The following ANXA4 variants were observed in gnomAD, a reference collection of about 807,000 sequenced individuals.
ANXA4 encodes the protein 35-beta calcimedin.
A neutral mutation model predicts 49.8 loss-of-function variants in ANXA4; 39 were observed. The observed-to-expected ratio is 0.78, with a 90% CI of 0.61 to 1.02. The LOEUF is 1.02. Ranked by LOEUF, ANXA4 falls within the 50% of genes least tolerant of loss-of-function variation. ANXA4 has a pLI of 0.00. For missense variants in ANXA4, 360 were observed against 410.1 expected (o/e 0.88, Z 1.05); for synonymous variants, 134 against 152.5 (o/e 0.88, Z 0.89).
intron 2 of ANXA4, among the ~76,000 whole-genome samples, chr2:69,698,438 C>T (rs1486546230): frequency 5.9e-5 from 9 of 152,156 alleles, no homozygotes; most frequent in Non-Finnish European, 8.8e-5. Context: ...CCTCTTCCCC[C>T]GACATCTCCC....
upstream of ANXA4, among the ~76,000 whole-genome samples, chr2:69,741,369 G>A (rs1396800023): frequency 6.6e-6 from 1 of 152,178 alleles, no homozygotes; most frequent in African/African-American, 2.4e-5. Context: ...AAGCAGATAT[G>A]AAAACACAGA....
chr2:69,675,325 G>A (rs576786969), intron 2 of ANXA4, among the ~76,000 whole-genome samples: 10 of 152,196 alleles, frequency 6.6e-5, no homozygotes, highest in African/African-American at 2.4e-4. Context: ...TTTCACTTAC[G>A]TATATGATAT....
chr2:69,769,874 G>C lies in ANXA4; in HGVS notation c.-46-11646G>C, dbSNP rs111563519. On this transcript the variant is annotated intron_variant, in intron 1 of 12. Transcript: ENST00000394295. ...GATGGGGTTTCCTCATGTTGGCCAG[G>C]CTGGTCTCAAACTCCTGACCTCAGG... Among the ~76,000 whole-genome samples, 742 of 152,230 alleles carry C rather than the reference G, an allele frequency of 4.9e-3. 4 individuals carry two copies. The highest frequency in any genetic ancestry group is 0.017 in the African/African-American group (701 of 41,524).
chr2:69,653,933 ATTTG>A (rs1676344659), intron 2 of ANXA4, among the ~76,000 whole-genome samples: 1 of 152,160 alleles, frequency 6.6e-6, no homozygotes, highest in South Asian at 2.1e-4. Flanking sequence ...ATGTTTTTCC[ATTTG>A]TTTGTGTCCT....
upstream of ANXA4, among the ~76,000 whole-genome samples, chr2:69,740,202 C>CTTTCTT (rs527437299): frequency 3.9e-5 from 6 of 152,006 alleles, no homozygotes; most frequent in African/African-American, 1.2e-4. Flanking sequence ...TTAATTTTTT[C>CTTTCTT]TTTCTTTTTC....
intron 2 of ANXA4, among the ~76,000 whole-genome samples, chr2:69,674,863 A>G (rs1427879858): frequency 1.3e-5 from 2 of 150,480 alleles, no homozygotes; most frequent in African/African-American, 4.9e-5. Flanking sequence ...CAGTAACACT[A>G]TTGATAATTT....
intron 7 of ANXA4, chr2:69,811,324 TTG>T (rs1673697301): frequency 1.3e-5 from 2 of 152,796 alleles, no homozygotes; most frequent in South Asian, 4.1e-4. Flanking sequence ...ACTTATTTAT[TTG>T]GGAGCAGTAG....
chr2:69,779,376 G>A lies in ANXA4; in HGVS notation c.-46-2144G>A, dbSNP rs531669049. Among the ~76,000 whole-genome samples the A allele has an allele frequency of 2.2e-3, 328 of 152,240 alleles. 1 individual carries two copies. Among genetic ancestry groups the A allele is most frequent in the African/African-American group, 7.3e-3 (303 of 41,532 alleles). Reference sequence around the variant, plus strand: ...TATCCACTGCATTATCTCTATCAGTGCCTGGAGAGGTGCTGTGAGAGGTCA... The same window carrying A: ...TATCCACTGCATTATCTCTATCAGTACCTGGAGAGGTGCTGTGAGAGGTCA... On this transcript the variant is annotated intron_variant, in intron 1 of 12. Coordinates refer to ENST00000394295, the MANE Select transcript of ANXA4 (RefSeq NM_001153.5).
At chr2:69,686,119 T>G (rs1282160708) in intron 2 of ANXA4, among the ~76,000 whole-genome samples, 2 of 152,216 alleles carry the variant, frequency 1.3e-5, no homozygotes, top group Admixed American at 1.3e-4. Context: ...AATTGTAGGC[T>G]TATGTAATTT....
At chr2:69,723,166 C>T (rs1669865511) in intron 3 of ANXA4, among the ~76,000 whole-genome samples, 1 of 141,022 alleles carries the variant, frequency 7.1e-6, no homozygotes, top group African/African-American at 2.6e-5. Flanking sequence ...ACTCCAGCCT[C>T]GGCGACAGAG....
intron 1 of ANXA4, among the ~76,000 whole-genome samples, chr2:69,765,147 C>A (rs1671447859): frequency 6.6e-6 from 1 of 152,102 alleles, no homozygotes; most frequent in Admixed American, 6.6e-5. Context: ...TGTTTTGCTT[C>A]CACTTTTGGC....
intron 2 of ANXA4, among the ~76,000 whole-genome samples, chr2:69,720,380 G>C (rs1669785045): frequency 6.6e-6 from 1 of 152,178 alleles, no homozygotes; most frequent in Admixed American, 6.5e-5. Context: ...AGGCTCATAG[G>C]TGAAAGAGCA....
chr2:69,810,526 T>C, intron 6 of ANXA4, 68 bp from the exon 7 acceptor site: 2 of 1,333,348 alleles, frequency 1.5e-6, no homozygotes, highest in Non-Finnish European at 1.1e-6. Flanking sequence ...GACAGATTGC[T>C]CTGGAGTGTG....
chr2:69,806,884 T>C (rs1464873717), intron 5 of ANXA4, among the ~76,000 whole-genome samples: 1 of 152,134 alleles, frequency 6.6e-6, no homozygotes, highest in African/African-American at 2.4e-5. Context: ...GAAAAATAAC[T>C]AATGGGTACT....
chr2:69,676,572 T>C, intron 2 of ANXA4, among the ~76,000 whole-genome samples: 1 of 152,350 alleles, frequency 6.6e-6, no homozygotes, highest in Middle Eastern at 3.4e-3. Flanking sequence ...ATGTCCTTTG[T>C]AGACAATTTT....
intron 2 of ANXA4, among the ~76,000 whole-genome samples, chr2:69,679,287 C>T (rs1677516186): frequency 6.6e-6 from 1 of 152,154 alleles, no homozygotes; most frequent in Non-Finnish European, 1.5e-5. Flanking sequence ...AGGCATGTGC[C>T]ACCATGCCTG....
chr2:69,808,033 G>C (rs780708282), intron 6 of ANXA4, 37 bp downstream of exon 6: 1 of 1,588,550 alleles, frequency 6.3e-7, no homozygotes, highest in Non-Finnish European at 8.6e-7. Flanking sequence ...CTGAGGTTTC[G>C]CTGTGATTAG....
intron 2 of ANXA4, among the ~76,000 whole-genome samples, chr2:69,665,696 T>C (rs536220606): frequency 3.2e-4 from 48 of 152,272 alleles, no homozygotes; most frequent in African/African-American, 1.2e-3. Flanking sequence ...ATACTGTAGC[T>C]GAATCCAAAG....
At chr2:69,782,864 G>A (rs1672258430) in intron 2 of ANXA4, among the ~76,000 whole-genome samples, 1 of 149,414 alleles carries the variant, frequency 6.7e-6, no homozygotes, top group South Asian at 2.1e-4. Context: ...CCTAAAACCT[G>A]TTTTTCTATC....
Sources: gnomAD v4.1 joint callset for allele counts (sites outside exome capture counted in the v4.1 genomes callset) on GRCh38, gnomAD v4.1.1 for gene constraint, MANE v1.5 for transcripts, NCBI Gene and HGNC (gene_info 2026-07-23, HGNC 2026-07-21) for gene names.